Variants in CUBN observed in about 807,000 individuals in gnomAD.
CUBN encodes the protein 460 kDa receptor.
In CUBN, 282 loss-of-function variants were observed where a neutral mutation model predicts 405.3. The ratio of observed to expected loss-of-function variants is 0.70; its 90% CI spans 0.63 to 0.77. CUBN has a LOEUF of 0.77. Ranked by LOEUF, CUBN falls within the 30% of genes least tolerant of loss-of-function variation. The pLI is 0.00. For synonymous variants in CUBN, 1,684 were observed against 1,617.0 expected, an observed-to-expected ratio of 1.04 and a Z score of -0.99; for missense variants, 4,514 against 4,475.2, an observed-to-expected ratio of 1.01 and a Z score of -0.25.
intron 58 of CUBN, 140 bp downstream of exon 58, chr10:16,874,234 C>T: frequency 1.1e-6 from 1 of 922,230 alleles, no homozygotes; most frequent in Non-Finnish European, 1.7e-6. Flanking sequence ...GTTGAACTGT[C>T]ATCTAGGAAC....
chr10:16,887,057 G>C (rs1840842332), intron 56 of CUBN, among the ~76,000 whole-genome samples: 1 of 152,140 alleles, frequency 6.6e-6, no homozygotes. Context: ...CAAAGTGCTG[G>C]GATTATAGGC....
At chr10:17,045,844 G>T in intron 24 of CUBN, 90 bp downstream of exon 24, 1 of 1,320,302 alleles carries the variant, frequency 7.6e-7, no homozygotes, top group Non-Finnish European at 1.1e-6. Context: ...GGGCAAACAT[G>T]GACAAGTGAG....
chr10:16,930,810 T>A (rs61841435), intron 40 of CUBN, among the ~76,000 whole-genome samples: 4 of 152,202 alleles, frequency 2.6e-5, no homozygotes, highest in Admixed American at 2.6e-4. Context: ...AGGCCTGTGA[T>A]GACAGGCCAA....
At position 17,122,887 on chromosome 10, in the gene CUBN, G is replaced by A. The variant is rs1204272851; in HGVS notation, c.501C>T (p.Cys167=). Residue 167 remains cysteine, a synonymous_variant, in exon 6 of 67, where the codon TGC becomes TGT. Coordinates refer to ENST00000377833, the MANE Select transcript of CUBN (RefSeq NM_001081.4). Reference sequence around the variant, plus strand: ...TCTCACATTCGTTAACATCAGCTGAGCAGAGAGGACCCTGTGATCATATAA... The same window carrying A: ...TCTCACATTCGTTAACATCAGCTGAACAGAGAGGACCCTGTGATCATATAA... The part of the protein sequence containing the change: ...ICPPQWKGPL[C]SADVNECEIY... 2 of 1,613,446 alleles carry A rather than the reference G, an allele frequency of 1.2e-6. No individual in the cohort carries two copies. The highest frequency in any genetic ancestry group is 3.3e-5 in the Admixed American group (2 of 60,002).
chr10:17,069,004 T>C (rs1324643821), intron 19 of CUBN, among the ~76,000 whole-genome samples: 1 of 152,182 alleles, frequency 6.6e-6, no homozygotes, highest in Non-Finnish European at 1.5e-5. Context: ...TCTCTGTAGA[T>C]TGCCCATTTT....
chr10:16,844,266 T>TC (rs375179588), intron 60 of CUBN, among the ~76,000 whole-genome samples: 1 of 58,044 alleles, frequency 1.7e-5, no homozygotes, highest in African/African-American at 4.0e-5. Context: ...CGAAACTCTG[T>TC]CCCCAAAAAA....
intron 8 of CUBN, among the ~76,000 whole-genome samples, chr10:17,111,704 A>T (rs186125997): frequency 9.9e-4 from 151 of 152,298 alleles, no homozygotes; most frequent in Non-Finnish European, 1.4e-3. Context: ...TGGGCAGATC[A>T]CCTGAGGCCA....
chr10:16,890,994 C>G (rs903171179), intron 54 of CUBN, among the ~76,000 whole-genome samples: 2 of 152,086 alleles, frequency 1.3e-5, no homozygotes, highest in East Asian at 1.9e-4. Flanking sequence ...TCCAAGTATA[C>G]GTATAATCAG....
At chr10:16,880,693 G>T (rs1383246772) in intron 56 of CUBN, among the ~76,000 whole-genome samples, 1 of 152,196 alleles carries the variant, frequency 6.6e-6, no homozygotes, top group Non-Finnish European at 1.5e-5. Flanking sequence ...GCATTAAAGA[G>T]TTACCACACA....
intron 10 of CUBN, among the ~76,000 whole-genome samples, chr10:17,108,105 A>G (rs1417482323): frequency 6.6e-6 from 1 of 152,198 alleles, no homozygotes; most frequent in African/African-American, 2.4e-5. Flanking sequence ...TGTCCTCCAT[A>G]TTAAAAAACA....
At chr10:16,959,716 G>A (rs1215892894) in intron 31 of CUBN, among the ~76,000 whole-genome samples, 1 of 151,774 alleles carries the variant, frequency 6.6e-6, no homozygotes, top group Non-Finnish European at 1.5e-5. Flanking sequence ...AAGAAAATAT[G>A]AGAAACCTTG....
At chr10:16,932,714 AT>A (rs1842394715) in intron 40 of CUBN, among the ~76,000 whole-genome samples, 1 of 152,156 alleles carries the variant, frequency 6.6e-6, no homozygotes, top group Admixed American at 6.6e-5. Context: ...GTGAACCACT[AT>A]GTCCAGTCAC....
chr10:17,116,115 C>T (rs1421432500), intron 6 of CUBN, among the ~76,000 whole-genome samples: 1 of 152,170 alleles, frequency 6.6e-6, no homozygotes, highest in Non-Finnish European at 1.5e-5. Context: ...AATATGTCTT[C>T]TATCCATAAA....
At chr10:16,964,390 A>T (rs1843328130) in intron 31 of CUBN, among the ~76,000 whole-genome samples, 1 of 152,194 alleles carries the variant, frequency 6.6e-6, no homozygotes, top group Admixed American at 6.5e-5. Flanking sequence ...AATTTCAAAT[A>T]ATATGAAGTG....
chr10:16,913,983 C>T lies in CUBN; in HGVS notation c.7361G>A (p.Gly2454Glu), dbSNP rs772738233. The change falls in exon 48 of 67, where the codon GGG becomes GAG. Residue 2454 changes from glycine (G) to glutamate (E), a missense_variant. Physicochemically the swap from Gly to Glu is moderately conservative, Grantham distance 98 (BLOSUM62 -2). Coordinates refer to ENST00000377833, the MANE Select transcript of CUBN (RefSeq NM_001081.4). ...RFESSMEECG[G>E]DLQGSIGTFT... ...TGTTCCAATAGAGCCCTGAAGATCC[C>T]CACCACACTCTGACGTGGGGAAAAA... 6.2e-7 allele frequency: 1 copy of T among 1,613,946 alleles called. No individual in the cohort carries two copies. Among genetic ancestry groups the T allele is most frequent in the South Asian group, 1.1e-5 (1 of 91,062 alleles).
chr10:17,065,689 G>A (rs778938043), intron 21 of CUBN, 51 bp from the exon 22 acceptor site: 6 of 1,607,352 alleles, frequency 3.7e-6, no homozygotes, highest in Non-Finnish European at 4.3e-6. Context: ...TTGGTATACT[G>A]AAAATGATGT....
At chr10:17,109,881 C>T in intron 9 of CUBN, 146 bp from the exon 10 acceptor site, 1 of 664,168 alleles carries the variant, frequency 1.5e-6, no homozygotes, top group Non-Finnish European at 2.7e-6. Context: ...ATGTCATCAA[C>T]AAATGAAATT....
chr10:16,844,328 C>G (rs1839447159), intron 60 of CUBN, among the ~76,000 whole-genome samples: 1 of 150,720 alleles, frequency 6.6e-6, no homozygotes, highest in Non-Finnish European at 1.5e-5. Flanking sequence ...CCCAGCCAGA[C>G]AGTAATAAAT....
chr10:16,945,703 G>C (rs530840466), intron 36 of CUBN, among the ~76,000 whole-genome samples: 3 of 146,226 alleles, frequency 2.1e-5, no homozygotes, highest in African/African-American at 7.6e-5. Context: ...CGGAGGCGAC[G>C]TTTCAGTGAG....
Sources: gnomAD v4.1 joint callset for allele counts (sites outside exome capture counted in the v4.1 genomes callset) on GRCh38, gnomAD v4.1.1 for gene constraint, MANE v1.5 for transcripts, NCBI Gene and HGNC (gene_info 2026-07-23, HGNC 2026-07-21) for gene names.